ALPK1: variants seen among roughly 807,000 people sequenced by gnomAD.
ALPK1 encodes the protein alpha-protein kinase 1.
In ALPK1, 110 loss-of-function variants were observed where a neutral mutation model predicts 120.6. The observed-to-expected ratio is 0.91, with a 90% CI of 0.78 to 1.07. ALPK1 has a LOEUF of 1.07. Ranked by LOEUF, ALPK1 falls within the 50% of genes least tolerant of loss-of-function variation. ALPK1 has a pLI of 0.00. For missense variants in ALPK1, 1,498 were observed against 1,483.9 expected (o/e 1.01, Z -0.16); for synonymous variants, 582 against 560.3 (o/e 1.04, Z -0.55).
intron 4 of ALPK1, among the ~76,000 whole-genome samples, chr4:112,390,976 G>A (rs997354657): frequency 1.3e-5 from 2 of 152,158 alleles, no homozygotes; most frequent in East Asian, 3.8e-4. Flanking sequence ...GTGGAAAGAG[G>A]AAGCATATCT....
At chr4:112,374,279 G>A (rs973352864) in intron 2 of ALPK1, among the ~76,000 whole-genome samples, 3 of 152,112 alleles carry the variant, frequency 2.0e-5, no homozygotes, top group African/African-American at 7.2e-5. Context: ...CACCTTCCTT[G>A]CCCATCTATA....
chr4:112,397,892 C>T (rs780599984), intron 4 of ALPK1, among the ~76,000 whole-genome samples: 16 of 152,030 alleles, frequency 1.1e-4, no homozygotes, highest in Admixed American at 3.9e-4. Context: ...TTTAGATCCA[C>T]GAATCTGTAC....
chr4:112,430,477 C>CAGT lies in ALPK1; in HGVS notation c.934_936dup (p.Ser313dup). On this transcript the variant is annotated inframe_insertion, in exon 11 of 16. Transcript: ENST00000650871. The stretch of plus-strand genomic sequence containing the variant: ...TCCGTGGCACGTGTTTATTGTCCTA[C>CAGT]AGTAGTTCAAATGACTGTCCTCCAG... 1.9e-6 allele frequency: 3 copies of CAGT among 1,611,638 alleles called. No homozygotes were observed. The highest frequency in any genetic ancestry group is 2.5e-6 in the Non-Finnish European group (3 of 1,178,880).
intron 5 of ALPK1, among the ~76,000 whole-genome samples, chr4:112,422,377 A>G (rs879754227): frequency 6.6e-6 from 1 of 152,070 alleles, no homozygotes; most frequent in African/African-American, 2.4e-5. Context: ...GGCACTTTCA[A>G]TATCCTTCCT....
At chr4:112,438,709 G>A (rs2148767655) in intron 13 of ALPK1, 63 bp downstream of exon 13, 1 of 1,550,088 alleles carries the variant, frequency 6.5e-7, no homozygotes, top group Middle Eastern at 1.7e-4. Flanking sequence ...CAATTAATCT[G>A]AGTATCTGGT....
intron 2 of ALPK1, among the ~76,000 whole-genome samples, chr4:112,336,296 G>A (rs1225638731): frequency 6.6e-6 from 1 of 152,192 alleles, no homozygotes; most frequent in Non-Finnish European, 1.5e-5. Context: ...GCAATGGAAA[G>A]TAGATTCATT....
At chr4:112,418,826 A>G (rs931937292) in intron 5 of ALPK1, among the ~76,000 whole-genome samples, 1 of 152,220 alleles carries the variant, frequency 6.6e-6, no homozygotes, top group African/African-American at 2.4e-5. Context: ...AAAACCAATG[A>G]TGAAAAATTA....
intron 2 of ALPK1, among the ~76,000 whole-genome samples, chr4:112,365,250 T>A (rs114207438): frequency 0.011 from 1,658 of 152,248 alleles, 22 homozygotes; most frequent in African/African-American, 0.037. Flanking sequence ...AAGTTGGTAA[T>A]GAGGAAGTCA....
chr4:112,427,260 A>G (rs767856), intron 8 of ALPK1, among the ~76,000 whole-genome samples: 89,914 of 151,972 alleles, frequency 0.59, 26,889 homozygotes, highest in East Asian at 0.8. Flanking sequence ...CAATTTAAAA[A>G]TATCTCCAAG....
intron 2 of ALPK1, among the ~76,000 whole-genome samples, chr4:112,369,989 T>C (rs556786773): frequency 9.2e-5 from 14 of 152,358 alleles, no homozygotes; most frequent in Admixed American, 2.6e-4. Flanking sequence ...ACTAGTTGGC[T>C]AGTGGGTTAT....
intron 2 of ALPK1, among the ~76,000 whole-genome samples, chr4:112,375,161 C>A (rs1202437908): frequency 1.3e-5 from 2 of 150,590 alleles, no homozygotes; most frequent in Admixed American, 6.6e-5. Flanking sequence ...GTGTAGCCAC[C>A]TTTGTCAGTG....
chr4:112,422,924 C>G (rs1158203981), intron 5 of ALPK1, among the ~76,000 whole-genome samples: 1 of 152,250 alleles, frequency 6.6e-6, no homozygotes, highest in Non-Finnish European at 1.5e-5. Context: ...TCCCTTAACG[C>G]CCAGACTTCT....
chr4:112,425,462 T>C (rs1210512020), intron 6 of ALPK1: 1 of 413,536 alleles, frequency 2.4e-6, no homozygotes, highest in Non-Finnish European at 4.6e-6. Context: ...AGAGAGTAAG[T>C]AGGGGAACTG....
chr4:112,299,680 A>G (rs1039625620), intron 1 of ALPK1, among the ~76,000 whole-genome samples: 4 of 152,176 alleles, frequency 2.6e-5, no homozygotes, highest in African/African-American at 9.6e-5. Flanking sequence ...CTCAGTTGAC[A>G]ATGCAATCTG....
intron 1 of ALPK1, among the ~76,000 whole-genome samples, chr4:112,304,708 C>T (rs943654736): frequency 5.9e-5 from 9 of 152,168 alleles, no homozygotes; most frequent in Admixed American, 5.9e-4. Flanking sequence ...GTTGCCTGTT[C>T]ACTCTGATGG....
At chr4:112,382,660 C>A in intron 4 of ALPK1, 108 bp downstream of exon 4, 1 of 1,465,014 alleles carries the variant, frequency 6.8e-7, no homozygotes, top group Non-Finnish European at 9.5e-7. Flanking sequence ...AGCCCCCTAC[C>A]CTTATGCTCA....
intron 2 of ALPK1, among the ~76,000 whole-genome samples, chr4:112,341,723 C>T (rs1729871566): frequency 6.6e-6 from 1 of 152,158 alleles, no homozygotes; most frequent in Admixed American, 6.6e-5. Flanking sequence ...AAGAACGAAA[C>T]AACAGGTGCT....
chr4:112,305,151 A>G (rs1046949164), intron 1 of ALPK1, among the ~76,000 whole-genome samples: 2 of 152,054 alleles, frequency 1.3e-5, no homozygotes, highest in African/African-American at 4.8e-5. Context: ...TGGTTACCGT[A>G]GCCTTGTAGT....
At chr4:112,364,388 T>C (rs1578503164) in intron 2 of ALPK1, among the ~76,000 whole-genome samples, 1 of 151,916 alleles carries the variant, frequency 6.6e-6, no homozygotes, top group Non-Finnish European at 1.5e-5. Flanking sequence ...ATACTACAAC[T>C]GATACCACAG....
Sources: gnomAD v4.1 joint callset for allele counts (sites outside exome capture counted in the v4.1 genomes callset) on GRCh38, gnomAD v4.1.1 for gene constraint, MANE v1.5 for transcripts, NCBI Gene and HGNC (gene_info 2026-07-23, HGNC 2026-07-21) for gene names.